SV2C: variants seen among roughly 807,000 people sequenced by gnomAD.
SV2C encodes synaptic vesicle glycoprotein 2C.
SV2C carries 49 observed loss-of-function variants against 79.7 expected under a neutral mutation model. The observed-to-expected ratio is 0.61, with a 90% CI of 0.49 to 0.78. The LOEUF is 0.78. SV2C is among the 30% of genes least tolerant of loss of function. The pLI is 0.00. For missense variants in SV2C, 833 were observed against 912.9 expected (o/e 0.91, Z 1.13); for synonymous variants, 334 against 333.2 (o/e 1.00, Z -0.03).
intron 4 of SV2C, among the ~76,000 whole-genome samples, chr5:76,219,669 G>C (rs73113802): frequency 0.13 from 19,847 of 152,114 alleles, 1,697 homozygotes; most frequent in African/African-American, 0.23. Context: ...CTATCAGCTA[G>C]GATGCAGATC....
intron 10 of SV2C, among the ~76,000 whole-genome samples, chr5:76,300,368 A>G (rs953312825): frequency 6.6e-6 from 1 of 152,074 alleles, no homozygotes; most frequent in African/African-American, 2.4e-5. Context: ...CACTATTAGT[A>G]CTATAATGAT....
chr5:76,256,860 C>CT (rs1746282690), intron 4 of SV2C, among the ~76,000 whole-genome samples: 1 of 152,204 alleles, frequency 6.6e-6, no homozygotes, highest in African/African-American at 2.4e-5. Context: ...GGCCAAAAAA[C>CT]TTGTTAAACA....
Position 76,212,136 on chromosome 5 carries a change from C to T in SV2C, c.913+2249C>T, listed in dbSNP as rs151243539. 2.6e-3 allele frequency among the ~76,000 whole-genome samples: 399 copies of T among 152,086 alleles called. 2 individuals carry two copies. The highest frequency in any genetic ancestry group is 6.9e-3 in the South Asian group (33 of 4,806). ...ATTTGAGATCTCAGGACCTCAGCCA[C>T]CCTCAGAACCTTCCTCGGTAGAGCA... On this transcript the variant is annotated intron_variant, in intron 4 of 12. Transcript: ENST00000502798.
intron 1 of SV2C, among the ~76,000 whole-genome samples, chr5:76,130,202 A>G (rs964068962): frequency 2.6e-5 from 4 of 151,092 alleles, no homozygotes; most frequent in Non-Finnish European, 2.9e-5. Context: ...GAACAAACAG[A>G]AAAATCATTT....
At chr5:75,892,934 A>G in the SV2C span, among the ~76,000 whole-genome samples, 1 of 152,086 alleles carries the variant, frequency 6.6e-6, no homozygotes, top group South Asian at 2.1e-4. Context: ...CTTTGGGTAT[A>G]TACCCAGTAA....
Position 76,324,237 on chromosome 5 carries a change from G to T in SV2C, c.2001-1127G>T, listed in dbSNP as rs377241957. On this transcript the variant is annotated intron_variant, in intron 12 of 12. Transcript: ENST00000502798. Reference sequence around the variant, plus strand: ...AGCCTCCCAAAGTGCTGGGATTACAGGTGTAAGACACCCTGCTCAGCCTGC... The same window carrying T: ...AGCCTCCCAAAGTGCTGGGATTACATGTGTAAGACACCCTGCTCAGCCTGC... 4.5e-4 allele frequency among the ~76,000 whole-genome samples: 69 copies of T among 152,172 alleles called. No individual in the cohort carries two copies. In the South Asian group the frequency reaches 7.9e-3, roughly 17 times the overall value.
At chr5:76,144,950 A>G (rs999689482) in intron 2 of SV2C, among the ~76,000 whole-genome samples, 1 of 152,208 alleles carries the variant, frequency 6.6e-6, no homozygotes, top group African/African-American at 2.4e-5. Context: ...ACCCAGAATA[A>G]TAGAATTGGA....
chr5:75,913,846 T>C, the SV2C span, among the ~76,000 whole-genome samples: 2 of 152,270 alleles, frequency 1.3e-5, no homozygotes, highest in South Asian at 2.1e-4. Flanking sequence ...AGCCTACAAG[T>C]GAGGCTAAGC....
chr5:76,265,471 C>T (rs1441567149), intron 4 of SV2C, among the ~76,000 whole-genome samples: 1 of 152,174 alleles, frequency 6.6e-6, no homozygotes, highest in East Asian at 1.9e-4. Context: ...TTCTGTCTCA[C>T]TGGGGTTCCA....
At chr5:76,144,055 AC>A (rs1488146469) in intron 2 of SV2C, among the ~76,000 whole-genome samples, 2 of 152,216 alleles carry the variant, frequency 1.3e-5, no homozygotes, top group African/African-American at 4.8e-5. Flanking sequence ...CAAAAAGTGC[AC>A]AATCTCAGTT....
At chr5:76,009,998 T>TTG in the SV2C span, among the ~76,000 whole-genome samples, 8 of 144,340 alleles carry the variant, frequency 5.5e-5, no homozygotes, top group East Asian at 1.6e-3. Flanking sequence ...TTTGTTTTTT[T>TTG]TTTTTTTTTT....
At chr5:76,334,380 A>G (rs1430035041), downstream of SV2C, among the ~76,000 whole-genome samples, 2 of 152,188 alleles carry the variant, frequency 1.3e-5, no homozygotes, top group Non-Finnish European at 2.9e-5. Context: ...TGCTATCCCC[A>G]AAAGAGTTCC....
At chr5:76,208,597 A>G (rs916086064) in intron 3 of SV2C, among the ~76,000 whole-genome samples, 1 of 152,236 alleles carries the variant, frequency 6.6e-6, no homozygotes, top group Non-Finnish European at 1.5e-5. Context: ...CTTCTTTATC[A>G]TATCAAAGGC....
At chr5:76,287,379 G>A (rs1747390764) in intron 6 of SV2C, among the ~76,000 whole-genome samples, 1 of 152,118 alleles carries the variant, frequency 6.6e-6, no homozygotes, top group East Asian at 1.9e-4. Flanking sequence ...AAGAATCATA[G>A]ATATAGTTCC....
At chr5:76,350,502 G>C (rs1749624890) in intron 12 of SV2C, among the ~76,000 whole-genome samples, 1 of 152,210 alleles carries the variant, frequency 6.6e-6, no homozygotes, top group Non-Finnish European at 1.5e-5. Flanking sequence ...CCTTTGTTCA[G>C]TGTGGCTTTA....
chr5:75,864,339 TCC>T, the SV2C span, among the ~76,000 whole-genome samples: 1 of 151,828 alleles, frequency 6.6e-6, no homozygotes, highest in Non-Finnish European at 1.5e-5. Context: ...CATCCATCCA[TCC>T]ATCCATCCAT....
upstream of SV2C, among the ~76,000 whole-genome samples, chr5:76,082,974 C>G (rs572480965): frequency 1.3e-5 from 2 of 152,358 alleles, no homozygotes; most frequent in Admixed American, 1.3e-4. Flanking sequence ...TCGCGTCTCA[C>G]GCTGGACCTG....
chr5:76,198,891 C>CCT (rs1361448320), intron 3 of SV2C, among the ~76,000 whole-genome samples: 2 of 152,124 alleles, frequency 1.3e-5, no homozygotes, highest in African/African-American at 4.8e-5. Flanking sequence ...ATAGCTGAGC[C>CCT]CTCACCTCAA....
At chr5:75,980,340 G>C in the SV2C span, among the ~76,000 whole-genome samples, 1 of 152,132 alleles carries the variant, frequency 6.6e-6, no homozygotes, top group African/African-American at 2.4e-5. Flanking sequence ...TTGAAAAGGA[G>C]GGACTCCTCC....
Sources: gnomAD v4.1 joint callset for allele counts (sites outside exome capture counted in the v4.1 genomes callset) on GRCh38, gnomAD v4.1.1 for gene constraint, MANE v1.5 for transcripts, NCBI Gene and HGNC (gene_info 2026-07-23, HGNC 2026-07-21) for gene names.